The following NKAIN3 variants were observed in gnomAD, a reference collection of about 807,000 sequenced individuals.
NKAIN3 encodes the protein sodium/potassium-transporting ATPase subunit beta-1-interacting protein 3.
NKAIN3 carries 25 observed loss-of-function variants against 30.2 expected under a neutral mutation model. That is an observed-to-expected ratio of 0.83 (90% confidence interval 0.60 to 1.16). The LOEUF is 1.16. Ranked by LOEUF, NKAIN3 falls within the 50% of genes most tolerant of loss-of-function variation. The pLI is 0.00. For synonymous variants in NKAIN3, 91 were observed against 89.6 expected (o/e 1.02, Z -0.09); for missense variants, 225 against 254.1 (o/e 0.89, Z 0.78).
chr8:62,673,580 G>T (rs1813379349), intron 3 of NKAIN3, among the ~76,000 whole-genome samples: 1 of 152,148 alleles, frequency 6.6e-6, no homozygotes, highest in Non-Finnish European at 1.5e-5. Flanking sequence ...TTAATGACAG[G>T]GATACATCCT....
At chr8:62,961,229 G>A (rs886443622) in intron 6 of NKAIN3, among the ~76,000 whole-genome samples, 5 of 151,902 alleles carry the variant, frequency 3.3e-5, no homozygotes, top group South Asian at 2.1e-4. Flanking sequence ...TCAGTGAGCC[G>A]AGATAGTGCC....
chr8:62,335,839 C>A (rs905206869), intron 1 of NKAIN3, among the ~76,000 whole-genome samples: 1 of 151,984 alleles, frequency 6.6e-6, no homozygotes, highest in South Asian at 2.1e-4. Flanking sequence ...AAATAATGAT[C>A]CAATCCATCA....
chr8:62,802,929 G>A (rs1402194770), intron 4 of NKAIN3, among the ~76,000 whole-genome samples: 1 of 152,090 alleles, frequency 6.6e-6, no homozygotes, highest in Non-Finnish European at 1.5e-5. Context: ...GATCTACCAA[G>A]TAAATGGAAA....
At chr8:62,854,782 T>A (rs1245168044) in intron 4 of NKAIN3, among the ~76,000 whole-genome samples, 1 of 152,224 alleles carries the variant, frequency 6.6e-6, no homozygotes, top group Non-Finnish European at 1.5e-5. Context: ...ATGTGGTTAC[T>A]TCATAGTGTC....
At chr8:62,741,839 G>A (rs1815905057) in intron 3 of NKAIN3, among the ~76,000 whole-genome samples, 1 of 152,084 alleles carries the variant, frequency 6.6e-6, no homozygotes, top group South Asian at 2.1e-4. Flanking sequence ...AAAACTCTAA[G>A]AGGGTAAAGG....
chr8:62,457,764 G>T (rs1485025751), intron 1 of NKAIN3, among the ~76,000 whole-genome samples: 1 of 152,044 alleles, frequency 6.6e-6, no homozygotes, highest in African/African-American at 2.4e-5. Context: ...ATTAAATTAG[G>T]CATAGGTGGA....
chr8:62,580,419 T>C (rs1810253612), intron 2 of NKAIN3, among the ~76,000 whole-genome samples: 1 of 152,180 alleles, frequency 6.6e-6, no homozygotes, highest in African/African-American at 2.4e-5. Context: ...TAAGCATATA[T>C]ACGTATTGTA....
chr8:62,775,488 T>A (rs1817163128), intron 4 of NKAIN3, among the ~76,000 whole-genome samples: 2 of 152,060 alleles, frequency 1.3e-5, no homozygotes, highest in African/African-American at 4.8e-5. Context: ...TTTTTCAAGA[T>A]GTCATTATAT....
intron 4 of NKAIN3, among the ~76,000 whole-genome samples, chr8:62,799,468 G>A (rs563111298): frequency 1.9e-3 from 287 of 152,140 alleles, no homozygotes; most frequent in Non-Finnish European, 2.9e-3. Flanking sequence ...TAATTATCAG[G>A]GAAATGCAAA....
chr8:62,879,905 C>T (rs1375109177), intron 4 of NKAIN3, among the ~76,000 whole-genome samples: 1 of 152,172 alleles, frequency 6.6e-6, no homozygotes, highest in Non-Finnish European at 1.5e-5. Context: ...TCATTCATAC[C>T]TTACATGCCT....
At chr8:62,366,308 C>A (rs896550838) in intron 1 of NKAIN3, among the ~76,000 whole-genome samples, 3 of 151,484 alleles carry the variant, frequency 2.0e-5, no homozygotes, top group African/African-American at 7.3e-5. Context: ...CTCACCACAA[C>A]CTCTGCCTCC....
chr8:62,937,451 A>G (rs1160983618), intron 5 of NKAIN3, among the ~76,000 whole-genome samples: 1 of 152,132 alleles, frequency 6.6e-6, no homozygotes, highest in Admixed American at 6.5e-5. Context: ...AACCTTACCT[A>G]GAGCTGAAAT....
rs184186423 is a variant in NKAIN3, at chr8:62,287,513, A to T, written c.54+38386A>T. On this transcript the variant is annotated intron_variant, in intron 1 of 6. Coordinates refer to ENST00000623646, the MANE Select transcript of NKAIN3 (RefSeq NM_001304533.3). ...GCTTATTTATATAGTCATAGTATAT[A>T]GGTTTCTATTTCTCAGCTTTTTGGG... 3.1e-3 allele frequency among the ~76,000 whole-genome samples: 479 copies of T among 152,208 alleles called. 4 individuals carry two copies. Among genetic ancestry groups the T allele is most frequent in the African/African-American group, 0.011 (468 of 41,554 alleles).
At chr8:62,365,537 G>C (rs1305056925) in intron 1 of NKAIN3, among the ~76,000 whole-genome samples, 1 of 152,116 alleles carries the variant, frequency 6.6e-6, no homozygotes, top group Non-Finnish European at 1.5e-5. Flanking sequence ...TCTATATAGA[G>C]GAATGAACAT....
intron 5 of NKAIN3, among the ~76,000 whole-genome samples, chr8:62,997,213 A>C (rs956398616): frequency 6.6e-6 from 1 of 152,236 alleles, no homozygotes; most frequent in African/African-American, 2.4e-5. Context: ...CTTTGGAAAA[A>C]AGTTGCTTCT....
chr8:62,315,544 C>A (rs968244863), intron 1 of NKAIN3, among the ~76,000 whole-genome samples: 2 of 152,042 alleles, frequency 1.3e-5, no homozygotes, highest in African/African-American at 2.4e-5. Flanking sequence ...AGCTTCAATA[C>A]CTAAAATGTA....
chr8:62,614,829 C>G (rs1184405954), intron 3 of NKAIN3, among the ~76,000 whole-genome samples: 2 of 152,150 alleles, frequency 1.3e-5, no homozygotes, highest in African/African-American at 2.4e-5. Context: ...CTCTAATGTT[C>G]CCTTAAAACC....
intron 3 of NKAIN3, among the ~76,000 whole-genome samples, chr8:62,708,074 A>G (rs535544393): frequency 2.0e-5 from 3 of 152,042 alleles, no homozygotes; most frequent in Non-Finnish European, 4.4e-5. Context: ...ATTCTGTTCC[A>G]TTGGTCTATG....
intron 3 of NKAIN3, among the ~76,000 whole-genome samples, chr8:62,670,262 A>G (rs1483717375): frequency 6.6e-6 from 1 of 152,130 alleles, no homozygotes; most frequent in Non-Finnish European, 1.5e-5. Context: ...ATGTATTTAA[A>G]TGAGAGAACA....
Sources: gnomAD v4.1 joint callset for allele counts (sites outside exome capture counted in the v4.1 genomes callset) on GRCh38, gnomAD v4.1.1 for gene constraint, MANE v1.5 for transcripts, NCBI Gene and HGNC (gene_info 2026-07-23, HGNC 2026-07-21) for gene names.